The following TOM1L2 variants were observed in gnomAD, a reference collection of about 807,000 sequenced individuals.
TOM1L2 encodes the protein target of myb1 like 2 membrane trafficking protein, also known as TOM1-like protein 2.
A neutral mutation model predicts 67.9 loss-of-function variants in TOM1L2; 31 were observed. The ratio of observed to expected loss-of-function variants is 0.46; its 90% confidence interval spans 0.34 to 0.62. The LOEUF (loss-of-function observed/expected upper bound fraction) is 0.62, where lower values mean the gene tolerates loss of function less well. Ranked by LOEUF, TOM1L2 falls within the 20% of genes least tolerant of loss-of-function variation. The pLI, the probability that TOM1L2 is intolerant of heterozygous loss-of-function variation, is 0.01. For synonymous variants in TOM1L2, 256 were observed against 254.0 expected (o/e 1.01, Z -0.07); for missense variants, 606 against 663.5 (o/e 0.91, Z 0.95).
At chr17:17,966,618 A>G (rs2041880388) in intron 1 of TOM1L2, among the ~76,000 whole-genome samples, 1 of 152,176 alleles carries the variant, frequency 6.6e-6, no homozygotes, top group Non-Finnish European at 1.5e-5. Flanking sequence ...TCAGAGTGCA[A>G]AAAGTAACAT....
chr17:17,849,034 T>C (rs2035814696), intron 13 of TOM1L2, 175 bp from the exon 14 acceptor site: 2 of 556,084 alleles, frequency 3.6e-6, no homozygotes, highest in Admixed American at 6.9e-5. Context: ...GCTCTTCTTA[T>C]TGGAGAAACA....
intron 10 of TOM1L2, among the ~76,000 whole-genome samples, chr17:17,864,191 G>A (rs1312631357): frequency 6.6e-6 from 1 of 150,790 alleles, no homozygotes; most frequent in Non-Finnish European, 1.5e-5. Flanking sequence ...TTTAAGAAGA[G>A]AGGTAGCAGA....
At chr17:17,874,731 C>T (rs1468291032) in intron 7 of TOM1L2, among the ~76,000 whole-genome samples, 1 of 152,216 alleles carries the variant, frequency 6.6e-6, no homozygotes, top group Non-Finnish European at 1.5e-5. Flanking sequence ...GTGTTTGCTG[C>T]CTCTTCCCCA....
rs941795814 is a variant in TOM1L2 at position 17,882,709 on chromosome 17, T to A, written c.656A>T (p.Glu219Val). ...GGCCCCGAAGTATGCAAGTACCTGT[T>A]CTGAATTGGCTGTGATGGGGCCAGT... ...SVTGPITANSEQIARLRSELD... is the reference protein window; with the variant it reads ...SVTGPITANSVQIARLRSELD... The change falls in exon 6 of 15, where the codon GAA becomes GTA. Residue 219 changes from glutamate (E) to valine (V), a missense_variant. Glu to Val is a moderately radical substitution (Grantham distance 121). Transcript: ENST00000379504. 1.2e-6 allele frequency: 2 copies of A among 1,614,118 alleles called. No homozygotes were observed. Among genetic ancestry groups the A allele is most frequent in the Non-Finnish European group, 1.7e-6 (2 of 1,179,974 alleles).
At chr17:17,931,109 TA>T (rs1227155180) in intron 1 of TOM1L2, among the ~76,000 whole-genome samples, 1 of 152,190 alleles carries the variant, frequency 6.6e-6, no homozygotes, top group African/African-American at 2.4e-5. Flanking sequence ...TCTCTTTTCC[TA>T]TTTTGCCCCA....
At chr17:17,927,842 C>T (rs1035456612) in intron 1 of TOM1L2, among the ~76,000 whole-genome samples, 1 of 151,722 alleles carries the variant, frequency 6.6e-6, no homozygotes, top group African/African-American at 2.4e-5. Flanking sequence ...TTTTTGTATT[C>T]GTGGTACAGC....
In TOM1L2 at chr17:17,924,469, G is replaced by A. The variant is rs184943066; in HGVS notation, c.53-16938C>T. On this transcript the variant is annotated intron_variant, in intron 1 of 14. Coordinates refer to ENST00000379504, the MANE Select transcript of TOM1L2 (RefSeq NM_001082968.2). ...TCTCAATAAAGCTGTTGAAAAATGG[G>A]AGAAAAGCTACTAGGAATGTGTTCA... is the stretch of plus-strand genomic sequence containing the variant. Among the ~76,000 whole-genome samples, 1,068 of 152,284 alleles carry A rather than the reference G, an allele frequency of 7.0e-3. 8 individuals carry two copies. The highest frequency in any genetic ancestry group is 0.013 in the South Asian group (61 of 4,826).
chr17:17,951,006 A>G (rs1250604825), intron 1 of TOM1L2, among the ~76,000 whole-genome samples: 1 of 152,086 alleles, frequency 6.6e-6, no homozygotes, highest in African/African-American at 2.4e-5. Flanking sequence ...TAGGGGGAAG[A>G]TCCCTGGCAG....
At position 17,952,978 on chromosome 17, in the gene TOM1L2, G is replaced by A. The variant is rs536651797; in HGVS notation, c.52+19284C>T. On this transcript the variant is annotated intron_variant, in intron 1 of 14. Coordinates refer to ENST00000379504, the MANE Select transcript of TOM1L2 (RefSeq NM_001082968.2). ...CAAAAGCAGCCTGCCCACCACAATAGGGCTGCAATGGGGCTTCTGGGACGC... is the reference window on the plus strand; with the variant it reads ...CAAAAGCAGCCTGCCCACCACAATAAGGCTGCAATGGGGCTTCTGGGACGC... Among the ~76,000 whole-genome samples the A allele has an allele frequency of 4.6e-5, 7 of 152,286 alleles. No homozygotes were observed. In the East Asian group the frequency reaches 1.4e-3, roughly 29 times the overall value.
intron 12 of TOM1L2, among the ~76,000 whole-genome samples, chr17:17,854,676 C>A (rs987409717): frequency 6.6e-6 from 1 of 151,736 alleles, no homozygotes; most frequent in African/African-American, 2.4e-5. Flanking sequence ...AGGCGTGAGC[C>A]ACCACACCTG....
chr17:17,956,658 G>A (rs949910682), intron 1 of TOM1L2, among the ~76,000 whole-genome samples: 5 of 152,226 alleles, frequency 3.3e-5, no homozygotes, highest in East Asian at 1.9e-4. Context: ...GCTGAGACCC[G>A]GCGAGAATTC....
intron 7 of TOM1L2, among the ~76,000 whole-genome samples, chr17:17,876,808 G>A (rs555815890): frequency 6.6e-6 from 1 of 152,358 alleles, no homozygotes; most frequent in African/African-American, 2.4e-5. Flanking sequence ...GCTGCCCGAA[G>A]TCTAACCAAG....
chr17:17,850,982 AG>A (rs1211511181), intron 12 of TOM1L2, 30 bp from the exon 13 acceptor site: 1 of 1,612,944 alleles, frequency 6.2e-7, no homozygotes, highest in East Asian at 2.2e-5. Flanking sequence ...CGGGCCAGGC[AG>A]CCCCCACACA....
chr17:17,856,831 G>T (rs757570556), intron 12 of TOM1L2, among the ~76,000 whole-genome samples: 1 of 152,340 alleles, frequency 6.6e-6, no homozygotes, highest in Middle Eastern at 3.4e-3. Flanking sequence ...CACCTGAACA[G>T]ACAAGGCAGG....
chr17:17,916,459 T>C (rs1052012104), intron 1 of TOM1L2, among the ~76,000 whole-genome samples: 2 of 152,224 alleles, frequency 1.3e-5, no homozygotes, highest in Non-Finnish European at 2.9e-5. Flanking sequence ...TGGTATAAGA[T>C]AATGGTCCGA....
intron 8 of TOM1L2, 147 bp from the exon 9 acceptor site, chr17:17,867,071 C>T (rs2036891141): frequency 1.4e-6 from 1 of 725,146 alleles, no homozygotes; most frequent in Admixed American, 2.1e-5. Flanking sequence ...TATATCAACT[C>T]TGCCACGGCT....
intron 1 of TOM1L2, among the ~76,000 whole-genome samples, chr17:17,913,210 G>A (rs2039477983): frequency 6.7e-6 from 1 of 149,542 alleles, no homozygotes; most frequent in African/African-American, 2.5e-5. Flanking sequence ...TGGGGAGACG[G>A]GAGAGGGAGA....
intron 1 of TOM1L2, among the ~76,000 whole-genome samples, chr17:17,922,427 T>C (rs1323069574): frequency 6.6e-6 from 1 of 152,172 alleles, no homozygotes; most frequent in Non-Finnish European, 1.5e-5. Context: ...AATATTTATG[T>C]CTGAGACAGA....
At chr17:17,961,638 C>T in intron 1 of TOM1L2, among the ~76,000 whole-genome samples, 1 of 152,048 alleles carries the variant, frequency 6.6e-6, no homozygotes, top group Admixed American at 6.5e-5. Context: ...CTTTGGGAGG[C>T]CGAGGCGGGC....
Sources: allele counts gnomAD v4.1 joint callset (sites outside exome capture counted in the v4.1 genomes callset), GRCh38; gene constraint gnomAD v4.1.1; transcripts MANE v1.5; gene names NCBI Gene and HGNC (gene_info 2026-07-23, HGNC 2026-07-21).